KDM4C: variants seen among roughly 807,000 people sequenced by gnomAD.
KDM4C encodes the protein lysine demethylase 4C, also known as lysine-specific demethylase 4C.
A neutral mutation model predicts 129.3 loss-of-function variants in KDM4C; 81 were observed. That is an observed-to-expected ratio of 0.63 (90% CI 0.52 to 0.75). The LOEUF is 0.75. Ranked by LOEUF, KDM4C falls within the 30% of genes least tolerant of loss-of-function variation. The probability of loss-of-function intolerance (pLI) is 0.00; values close to 1 mark genes in which losing one functional copy is unlikely to be tolerated. For synonymous variants in KDM4C, 573 were observed against 456.1 expected (o/e 1.26, Z -3.26); for missense variants, 1,457 against 1,304.0 (o/e 1.12, Z -1.81).
chr9:6,891,058 A>G (rs929867714), intron 7 of KDM4C, among the ~76,000 whole-genome samples: 3 of 152,198 alleles, frequency 2.0e-5, no homozygotes, highest in African/African-American at 7.2e-5. Flanking sequence ...CTCCAATACC[A>G]TTTTAGCATC....
At chr9:6,747,475 G>A (rs1817920679) in intron 1 of KDM4C, among the ~76,000 whole-genome samples, 1 of 148,914 alleles carries the variant, frequency 6.7e-6, no homozygotes, top group African/African-American at 2.5e-5. Context: ...GTGAACTCAG[G>A]AGGCAGAGAT....
upstream of KDM4C, among the ~76,000 whole-genome samples, chr9:6,756,149 G>C (rs1372657022): frequency 6.6e-6 from 1 of 152,168 alleles, no homozygotes; most frequent in Admixed American, 6.5e-5. Flanking sequence ...CTAGCTGCTT[G>C]ATTGTGGACA....
intron 12 of KDM4C, among the ~76,000 whole-genome samples, chr9:6,995,190 AAAG>A (rs750267380): frequency 1.3e-5 from 2 of 152,048 alleles, no homozygotes; most frequent in Non-Finnish European, 2.9e-5. Context: ...GTGAGGAAGA[AAAG>A]AAGAAAGATC....
rs116367301 is a variant in KDM4C at position 7,159,894 on chromosome 9, G to T, written c.2782-5344G>T. 9.7e-3 allele frequency among the ~76,000 whole-genome samples: 1,480 copies of T among 152,244 alleles called. 21 individuals carry two copies. The highest frequency in any genetic ancestry group is 0.034 in the African/African-American group (1,402 of 41,534). Reference sequence around the variant, plus strand: ...TGTTGGACTCGCTTGCTAGGTTGGGGACGTTCTCCTGGATACTATCCTGAC... The same window carrying T: ...TGTTGGACTCGCTTGCTAGGTTGGGTACGTTCTCCTGGATACTATCCTGAC... On this transcript the variant is annotated intron_variant, in intron 19 of 21. Transcript: ENST00000381309.
chr9:7,036,888 AAGTG>A (rs1448349442), intron 15 of KDM4C, among the ~76,000 whole-genome samples: 6 of 152,194 alleles, frequency 3.9e-5, no homozygotes, highest in Non-Finnish European at 7.3e-5. Flanking sequence ...TGTTTTCACT[AAGTG>A]AGAGAACTTA....
intron 19 of KDM4C, among the ~76,000 whole-genome samples, chr9:7,160,516 G>A (rs1229347700): frequency 3.9e-5 from 6 of 152,146 alleles, no homozygotes; most frequent in East Asian, 1.9e-4. Flanking sequence ...GGGTTTTGGC[G>A]TGGATGTCTT....
rs182527687 is a variant in KDM4C at position 6,903,835 on chromosome 9, A to G, written c.921+10603A>G. Among the ~76,000 whole-genome samples the G allele has an allele frequency of 4.1e-3, 624 of 152,320 alleles. 4 individuals are homozygous for G. The highest frequency in any genetic ancestry group is 0.013 in the African/African-American group (559 of 41,560). On this transcript the variant is annotated intron_variant, in intron 8 of 21. Coordinates refer to ENST00000381309, the MANE Select transcript of KDM4C (RefSeq NM_015061.6). ...TAAAAAACTGTTAACAGTTCATTGT[A>G]TATCTCTTAAAATATCAGCATATAT...
chr9:6,876,249 C>G (rs1449220816), intron 5 of KDM4C, among the ~76,000 whole-genome samples: 1 of 152,172 alleles, frequency 6.6e-6, no homozygotes, highest in Non-Finnish European at 1.5e-5. Flanking sequence ...TACCCTTGAT[C>G]TTAGCCAAAA....
chr9:6,805,837 C>G, intron 3 of KDM4C, 63 bp downstream of exon 3: 1 of 1,447,368 alleles, frequency 6.9e-7, no homozygotes, highest in Non-Finnish European at 9.4e-7. Flanking sequence ...TGTTAAGAAA[C>G]AAAGTAGACA....
At chr9:6,933,861 T>TA (rs1182772327) in intron 8 of KDM4C, among the ~76,000 whole-genome samples, 28 of 151,112 alleles carry the variant, frequency 1.9e-4, no homozygotes, top group South Asian at 4.3e-4. Context: ...TTTATTTATT[T>TA]TTTTTTGAGA....
intron 15 of KDM4C, among the ~76,000 whole-genome samples, chr9:7,032,622 T>A (rs1826966904): frequency 6.6e-6 from 1 of 152,216 alleles, no homozygotes; most frequent in Admixed American, 6.5e-5. Context: ...GAAGCCTCGT[T>A]TTACAACTAA....
chr9:7,043,179 T>C (rs1470517074), intron 15 of KDM4C, among the ~76,000 whole-genome samples: 1 of 152,052 alleles, frequency 6.6e-6, no homozygotes, highest in East Asian at 1.9e-4. Flanking sequence ...ATTTTTGGCA[T>C]GGTACGTGGA....
chr9:7,109,100 C>G (rs1037691971), intron 18 of KDM4C, among the ~76,000 whole-genome samples: 3 of 152,126 alleles, frequency 2.0e-5, no homozygotes, highest in African/African-American at 7.2e-5. Context: ...TGAATGCAGC[C>G]TATCATAACA....
At chr9:7,087,629 C>G (rs1222167934) in intron 17 of KDM4C, among the ~76,000 whole-genome samples, 1 of 152,086 alleles carries the variant, frequency 6.6e-6, no homozygotes, top group Non-Finnish European at 1.5e-5. Context: ...ATAAAATTAT[C>G]TTACATTCAG....
At chr9:7,085,727 A>T (rs1253899530) in intron 17 of KDM4C, among the ~76,000 whole-genome samples, 1 of 152,116 alleles carries the variant, frequency 6.6e-6, no homozygotes, top group African/African-American at 2.4e-5. Flanking sequence ...TGGTGGGATA[A>T]TCTGAGCATT....
At chr9:6,944,169 G>T (rs998969151) in intron 8 of KDM4C, among the ~76,000 whole-genome samples, 1 of 152,190 alleles carries the variant, frequency 6.6e-6, no homozygotes, top group Non-Finnish European at 1.5e-5. Flanking sequence ...CAAGCAGAGG[G>T]TGCTGTTGAA....
chr9:6,746,374 T>C (rs1817875142), intron 1 of KDM4C, among the ~76,000 whole-genome samples: 1 of 148,526 alleles, frequency 6.7e-6, no homozygotes, highest in Admixed American at 6.7e-5. Flanking sequence ...GTTCACGCCA[T>C]TCTCCTGCCT....
rs538137923 is a variant in KDM4C, at chr9:7,126,546, T to C, written c.2611-1520T>C. Among the ~76,000 whole-genome samples, 12 of 152,278 alleles carry C rather than the reference T, an allele frequency of 7.9e-5. No homozygotes were observed. The East Asian group carries it at 1.3e-3, about 17-fold the overall frequency. Reference sequence around the variant, plus strand: ...GCAAGAAAGAACCTGCAGGGATGAATAGGGATATCACTCTGAACTGGTGAT... The same window carrying C: ...GCAAGAAAGAACCTGCAGGGATGAACAGGGATATCACTCTGAACTGGTGAT... On this transcript the variant is annotated intron_variant, in intron 18 of 21. Transcript: ENST00000381309.
At chr9:7,059,211 G>A (rs1219469922) in intron 17 of KDM4C, among the ~76,000 whole-genome samples, 1 of 152,048 alleles carries the variant, frequency 6.6e-6, no homozygotes, top group East Asian at 1.9e-4. Flanking sequence ...GTGCAGTGGC[G>A]CCATCATGGC....
Sources: allele counts gnomAD v4.1 joint callset (sites outside exome capture counted in the v4.1 genomes callset), GRCh38; gene constraint gnomAD v4.1.1; transcripts MANE v1.5; gene names NCBI Gene and HGNC (gene_info 2026-07-23, HGNC 2026-07-21).